The following ANKRD13C variants were observed in gnomAD, a reference collection of about 807,000 sequenced individuals.
ANKRD13C encodes the protein ankyrin repeat domain 13C, also known as ankyrin repeat domain-containing protein 13C.
ANKRD13C carries 16 observed loss-of-function variants against 65.5 expected under a neutral mutation model. The observed-to-expected ratio is 0.24, with a 90% CI of 0.17 to 0.37. The LOEUF is 0.37. ANKRD13C is among the 10% of genes least tolerant of loss of function. The pLI is 1.00. For synonymous variants in ANKRD13C, 235 were observed against 238.7 expected, an observed-to-expected ratio of 0.98 and a Z score of 0.14; for missense variants, 503 against 655.9, an observed-to-expected ratio of 0.77 and a Z score of 2.55.
chr1:70,279,054 A>G (rs2101160739), intron 9 of ANKRD13C, among the ~76,000 whole-genome samples: 1 of 152,076 alleles, frequency 6.6e-6, no homozygotes, highest in East Asian at 1.9e-4. Flanking sequence ...TACAAAAAAA[A>G]AAAGTAGCCA....
chr1:70,318,377 G>C (rs1359704826), intron 3 of ANKRD13C, among the ~76,000 whole-genome samples: 1 of 152,060 alleles, frequency 6.6e-6, no homozygotes, highest in African/African-American at 2.4e-5. Context: ...TAAAGCTTTT[G>C]GAACTATGCC....
rs1680078361 is a variant in ANKRD13C, at chr1:70,296,271, G to A, written c.922-10C>T. 2 of 1,603,570 alleles carry A rather than the reference G, an allele frequency of 1.2e-6. No homozygotes were observed. Among genetic ancestry groups the A allele is most frequent in the African/African-American group, 2.7e-5 (2 of 74,266 alleles). ...TTTCCATCTCTGATTCCTGGGATGT[G>A]AGCAAAAGTTAAATATAAAAATCTA... is the stretch of plus-strand genomic sequence containing the variant. On this transcript the variant is annotated splice_polypyrimidine_tract_variant and intron_variant, in intron 7 of 12. Transcript: ENST00000370944.
intron 4 of ANKRD13C, 42 bp downstream of exon 4, chr1:70,315,439 A>G: frequency 1.3e-6 from 2 of 1,524,130 alleles, no homozygotes. Context: ...TACACTTATA[A>G]TTACTTCCAA....
intron 1 of ANKRD13C, among the ~76,000 whole-genome samples, chr1:70,350,511 C>T (rs1048152231): frequency 3.3e-5 from 5 of 151,926 alleles, no homozygotes; most frequent in East Asian, 1.9e-4. Flanking sequence ...TTATTTGGGC[C>T]GTTATATAAA....
At chr1:70,270,659 A>G (rs1301883173) in intron 12 of ANKRD13C, among the ~76,000 whole-genome samples, 197 bp downstream of exon 12, 1 of 152,196 alleles carries the variant, frequency 6.6e-6, no homozygotes, top group Non-Finnish European at 1.5e-5. Flanking sequence ...CTGATCTGAC[A>G]GGAGGCAGAG....
intron 1 of ANKRD13C, among the ~76,000 whole-genome samples, chr1:70,349,500 C>G (rs76579871): frequency 2.2e-5 from 3 of 136,930 alleles, no homozygotes; most frequent in Non-Finnish European, 4.8e-5. Context: ...ATTGATGACT[C>G]AAAAAAAAAA....
intron 12 of ANKRD13C, among the ~76,000 whole-genome samples, chr1:70,267,267 T>C (rs535051878): frequency 1.3e-5 from 2 of 152,232 alleles, no homozygotes; most frequent in Non-Finnish European, 2.9e-5. Flanking sequence ...AGTGTTTGCA[T>C]GATATATCTT....
chr1:70,283,413 T>C (rs1558270030), intron 9 of ANKRD13C, among the ~76,000 whole-genome samples: 1 of 152,206 alleles, frequency 6.6e-6, no homozygotes, highest in Non-Finnish European at 1.5e-5. Context: ...AGGAAATACT[T>C]TATTTCTAGG....
rs529713073 is a variant in ANKRD13C, at chr1:70,299,189, A to G, written c.921+1575T>C. Among the ~76,000 whole-genome samples, 62 of 152,322 alleles carry G rather than the reference A, an allele frequency of 4.1e-4. 1 individual carries two copies. Among genetic ancestry groups the G allele is most frequent in the South Asian group, 3.7e-3 (18 of 4,826 alleles). Reference sequence around the variant, plus strand: ...AAGAAAAGCATTCCAGGAAGTGGAAAGAACATGAACAAAGGAATAAAGGCC... The same window carrying G: ...AAGAAAAGCATTCCAGGAAGTGGAAGGAACATGAACAAAGGAATAAAGGCC... On this transcript the variant is annotated intron_variant, in intron 7 of 12. Coordinates refer to ENST00000370944, the MANE Select transcript of ANKRD13C (RefSeq NM_030816.5).
intron 3 of ANKRD13C, among the ~76,000 whole-genome samples, chr1:70,319,471 GT>G (rs377165317): frequency 1.0e-3 from 157 of 152,074 alleles, no homozygotes; most frequent in African/African-American, 3.5e-3. Context: ...GCTGGGTGTG[GT>G]GGCGGGTGCC....
In ANKRD13C at chr1:70,354,079, G is replaced by A. The variant is rs756785849; in HGVS notation, c.330C>T (p.Cys110=). The A allele has an allele frequency of 1.2e-6, 2 of 1,611,006 alleles. No individual in the cohort carries two copies. Among genetic ancestry groups the A allele is most frequent in the Admixed American group, 1.7e-5 (1 of 59,808 alleles). ...PVAVVADGGS[C]PAHYPVHECV... is the part of the protein sequence containing the mutation. ...ACTCGTGCACCGGGTAGTGTGCGGG[G>A]CAACTGCCTCCATCCGCGACGACAG... Residue 110 remains cysteine, a synonymous_variant, in exon 1 of 13, where the codon TGC becomes TGT. Transcript: ENST00000370944.
intron 9 of ANKRD13C, 43 bp downstream of exon 9, chr1:70,292,345 C>A (rs781013049): frequency 4.1e-6 from 6 of 1,456,434 alleles, no homozygotes; most frequent in Non-Finnish European, 5.5e-6. Flanking sequence ...TCTATCCCCT[C>A]TCTTCTTAGA....
At position 70,315,535 on chromosome 1, in the gene ANKRD13C, T is replaced by C. The variant is rs1558295262; in HGVS notation, c.609A>G (p.Gln203=). ...GTTTTTCTTCAACACTTTCCCTGGATTGCTGCTTAAGCTTCCTCAAAAGAG... is the reference window on the plus strand; with the variant it reads ...GTTTTTCTTCAACACTTTCCCTGGACTGCTGCTTAAGCTTCCTCAAAAGAG... ...ITALLRKLKQ[Q]SRESVEEKRP... is the part of the protein sequence containing the mutation. Residue 203 remains glutamine (Q), a synonymous_variant, in exon 4 of 13, where the codon CAA becomes CAG. Coordinates refer to ENST00000370944, the MANE Select transcript of ANKRD13C (RefSeq NM_030816.5). 2 of 1,609,526 alleles carry C rather than the reference T, an allele frequency of 1.2e-6. No homozygotes were observed. Among genetic ancestry groups the C allele is most frequent in the Admixed American group, 1.7e-5 (1 of 59,860 alleles).
chr1:70,336,117 A>G lies in ANKRD13C; in HGVS notation c.431-18T>C. ...AGTATTTCCTAAAAAAAATAAAATA[A>G]AATAAATAAATTAGAAGGTGTAAAA... On this transcript the variant is annotated intron_variant, in intron 1 of 12. Transcript: ENST00000370944. 1.5e-6 allele frequency: 1 copy of G among 682,442 alleles called. No homozygotes were observed. Among genetic ancestry groups the G allele is most frequent in the Non-Finnish European group, 2.1e-6 (1 of 479,376 alleles). 42.3% of individuals were successfully genotyped at this position (682,442 alleles called of 1,614,324 possible). A position where few individuals can be genotyped will look rare whatever the true frequency, so the allele number is the denominator to read the frequency against.
chr1:70,276,728 A>G, intron 10 of ANKRD13C, 37 bp downstream of exon 10: 1 of 1,484,088 alleles, frequency 6.7e-7, no homozygotes, highest in South Asian at 1.2e-5. Context: ...TATTCTTTCT[A>G]AAAACCAAAT....
At chr1:70,318,693 T>TTG (rs1681175620) in intron 3 of ANKRD13C, among the ~76,000 whole-genome samples, 1 of 147,490 alleles carries the variant, frequency 6.8e-6, no homozygotes. Context: ...TTTTTTTTTT[T>TTG]TTTTTTTTGA....
chr1:70,333,137 T>C (rs1681882695), intron 2 of ANKRD13C, among the ~76,000 whole-genome samples: 2 of 152,322 alleles, frequency 1.3e-5, no homozygotes, highest in East Asian at 1.9e-4. Context: ...ACTTGGCTAC[T>C]TTACTCTGGG....
intron 8 of ANKRD13C, among the ~76,000 whole-genome samples, chr1:70,294,635 CTT>C (rs1221826514): frequency 5.5e-5 from 8 of 144,908 alleles, no homozygotes; most frequent in Admixed American, 2.1e-4. Flanking sequence ...TTTTCTCTCT[CTT>C]TTTTTTTTTT....
At chr1:70,295,106 T>C (rs951605221) in intron 8 of ANKRD13C, among the ~76,000 whole-genome samples, 2 of 152,130 alleles carry the variant, frequency 1.3e-5, no homozygotes, top group Non-Finnish European at 2.9e-5. Context: ...TATATTCATT[T>C]CATTGTGTAT....
Sources: gnomAD v4.1 joint callset for allele counts (sites outside exome capture counted in the v4.1 genomes callset) on GRCh38, gnomAD v4.1.1 for gene constraint, MANE v1.5 for transcripts, NCBI Gene and HGNC (gene_info 2026-07-23, HGNC 2026-07-21) for gene names.